The following UBE2L3 variants were observed in gnomAD, a reference collection of about 807,000 sequenced individuals.
UBE2L3 encodes the protein ubiquitin-conjugating enzyme E2 L3.
UBE2L3 carries 1 observed loss-of-function variant against 17.8 expected under a neutral mutation model. The ratio of observed to expected loss-of-function variants is 0.06; its 90% CI spans 0.02 to 0.27. The LOEUF (loss-of-function observed/expected upper bound fraction) is 0.27, where lower values mean the gene tolerates loss of function less well. Among genes scored for constraint, UBE2L3 ranks in the 10% least tolerant of loss-of-function variants. UBE2L3 has a pLI of 1.00. For missense variants in UBE2L3, 40 were observed against 192.6 expected, an observed-to-expected ratio of 0.21 and a Z score of 4.69; for synonymous variants, 44 against 68.5, an observed-to-expected ratio of 0.64 and a Z score of 1.76.
chr22:21,595,553 C>T (rs912769535), intron 2 of UBE2L3, among the ~76,000 whole-genome samples: 1 of 152,138 alleles, frequency 6.6e-6, no homozygotes, highest in Non-Finnish European at 1.5e-5. Flanking sequence ...TTGCCCTGGT[C>T]GTAGTGCACA....
intron 2 of UBE2L3, among the ~76,000 whole-genome samples, chr22:21,608,151 A>G (rs904923542): frequency 7.2e-5 from 11 of 152,226 alleles, no homozygotes; most frequent in Non-Finnish European, 1.5e-4. Context: ...GCTGCTGAGG[A>G]CGTAGAGCAA....
chr22:21,585,206 G>C (rs1282685966), intron 1 of UBE2L3, among the ~76,000 whole-genome samples: 3 of 152,198 alleles, frequency 2.0e-5, no homozygotes, highest in Non-Finnish European at 4.4e-5. Flanking sequence ...ATTTGGCTCT[G>C]AATAGTTCAG....
At chr22:21,555,156 C>T (rs1391789903) in intron 1 of UBE2L3, 18 of 150,208 alleles carry the variant, frequency 1.2e-4, no homozygotes, top group African/African-American at 4.5e-4. Flanking sequence ...CACACCTATA[C>T]TCCCAGCTAC....
At chr22:21,566,053 A>G (rs1601388039), upstream of UBE2L3, among the ~76,000 whole-genome samples, 1 of 148,990 alleles carries the variant, frequency 6.7e-6, no homozygotes, top group African/African-American at 2.5e-5. Flanking sequence ...GCTCACTGCA[A>G]CCTCTGCCTC....
chr22:21,600,493 C>G (rs2148430421), intron 2 of UBE2L3, among the ~76,000 whole-genome samples: 1 of 151,716 alleles, frequency 6.6e-6, no homozygotes. Flanking sequence ...GTCGGGAGTT[C>G]AAGACCAGCC....
chr22:21,598,039 G>A (rs544689225), intron 2 of UBE2L3, among the ~76,000 whole-genome samples: 85 of 148,704 alleles, frequency 5.7e-4, no homozygotes, highest in Non-Finnish European at 1.0e-3. Flanking sequence ...AGACTCAAGT[G>A]ATCCGCCTGC....
intron 1 of UBE2L3, among the ~76,000 whole-genome samples, chr22:21,573,418 C>T (rs561440687): frequency 1.3e-5 from 2 of 152,238 alleles, no homozygotes; most frequent in Admixed American, 6.5e-5. Flanking sequence ...ACTTTTTGAC[C>T]TTTGAGACTC....
chr22:21,567,974 T>C, intron 1 of UBE2L3: 3 of 1,369,540 alleles, frequency 2.2e-6, no homozygotes, highest in Non-Finnish European at 2.8e-6. Context: ...AAGGCCGCGC[T>C]GGGAGCCGCT....
intron 1 of UBE2L3, among the ~76,000 whole-genome samples, chr22:21,575,631 CTTTTTTTTTTT>C (rs533923826): frequency 4.1e-5 from 3 of 73,394 alleles, no homozygotes; most frequent in African/African-American, 1.2e-4. Context: ...AGTTGAATAG[CTTTTTTTTTTT>C]TTTTTTTTTT....
At chr22:21,590,512 A>T (rs1928197182) in intron 1 of UBE2L3, among the ~76,000 whole-genome samples, 1 of 152,236 alleles carries the variant, frequency 6.6e-6, no homozygotes, top group Non-Finnish European at 1.5e-5. Flanking sequence ...CCCATACTTT[A>T]TACTGTTGGA....
intron 1 of UBE2L3, among the ~76,000 whole-genome samples, chr22:21,568,785 T>G (rs1050811245): frequency 6.6e-6 from 1 of 152,082 alleles, no homozygotes; most frequent in African/African-American, 2.4e-5. Context: ...GATAAAGAGC[T>G]GGGGTTCGTT....
At chr22:21,613,655 A>C (rs1929618627) in intron 3 of UBE2L3, among the ~76,000 whole-genome samples, 2 of 152,208 alleles carry the variant, frequency 1.3e-5, no homozygotes, top group Non-Finnish European at 2.9e-5. Flanking sequence ...GCTTAAAGTA[A>C]TACCAGTTTA....
intron 1 of UBE2L3, among the ~76,000 whole-genome samples, chr22:21,561,106 C>T (rs1268939250): frequency 6.6e-6 from 1 of 152,248 alleles, no homozygotes; most frequent in African/African-American, 2.4e-5. Flanking sequence ...AGGACTTGGT[C>T]TGGCCCTCAC....
At chr22:21,570,310 T>A (rs1926889879) in intron 1 of UBE2L3, among the ~76,000 whole-genome samples, 1 of 152,114 alleles carries the variant, frequency 6.6e-6, no homozygotes, top group African/African-American at 2.4e-5. Context: ...TATTACTCTG[T>A]TTCTAAAAAA....
intron 1 of UBE2L3, among the ~76,000 whole-genome samples, chr22:21,558,629 CAAA>C (rs131645): frequency 2.6e-5 from 2 of 77,204 alleles, no homozygotes; most frequent in East Asian, 4.6e-4. Flanking sequence ...GACTCTGTCT[CAAA>C]AAAAAAAAAA....
chr22:21,562,903 A>T (rs1926495292), upstream of UBE2L3, among the ~76,000 whole-genome samples: 1 of 151,630 alleles, frequency 6.6e-6, no homozygotes, highest in African/African-American at 2.4e-5. Flanking sequence ...GGTCAATGGG[A>T]GCAGAAGGGC....
chr22:21,598,904 G>A (rs576964661), intron 2 of UBE2L3, among the ~76,000 whole-genome samples: 2 of 151,612 alleles, frequency 1.3e-5, no homozygotes, highest in South Asian at 4.2e-4. Context: ...GCAGTGGTGT[G>A]ATCTCAGCTC....
At chr22:21,583,754 G>A (rs1193728446) in intron 1 of UBE2L3, among the ~76,000 whole-genome samples, 1 of 152,228 alleles carries the variant, frequency 6.6e-6, no homozygotes, top group Non-Finnish European at 1.5e-5. Context: ...CGTGAAGGTA[G>A]CATTAAAGAG....
chr22:21,593,240 C>G (rs970875661), intron 2 of UBE2L3, among the ~76,000 whole-genome samples: 4 of 152,146 alleles, frequency 2.6e-5, no homozygotes, highest in Non-Finnish European at 4.4e-5. Context: ...TTCCTGACTT[C>G]CCTGCGCCTG....
Sources: allele counts gnomAD v4.1 joint callset (sites outside exome capture counted in the v4.1 genomes callset), GRCh38; gene constraint gnomAD v4.1.1; transcripts MANE v1.5; gene names NCBI Gene and HGNC (gene_info 2026-07-23, HGNC 2026-07-21).